The following CA5B variants were observed in gnomAD, a reference collection of about 807,000 sequenced individuals.
CA5B encodes carbonic anhydrase 5B.
In CA5B, 15 loss-of-function variants were observed where a neutral mutation model predicts 23.1. The ratio of observed to expected loss-of-function variants is 0.65; its 90% CI spans 0.43 to 1.00. The LOEUF is 1.00. Among genes scored for constraint, CA5B ranks in the 50% least tolerant of loss-of-function variants. The pLI is 0.00. For missense variants in CA5B, 236 were observed against 252.2 expected (o/e 0.94, Z 0.43); for synonymous variants, 84 against 98.5 (o/e 0.85, Z 0.87).
intron 2 of CA5B, among the ~76,000 whole-genome samples, chrX:15,759,161 A>G (rs1931550934): frequency 9.0e-6 from 1 of 111,544 alleles, no homozygotes; most frequent in African/African-American, 3.3e-5. Context: ...GAGGAGGAGC[A>G]CGAAGAAAGG....
Position 15,785,846 on chromosome X carries a change from C to G in CA5B, c.*3182C>G, listed in dbSNP as rs924251871. On this transcript the variant is annotated 3_prime_UTR_variant, in exon 8 of 8. Coordinates refer to ENST00000318636, the MANE Select transcript of CA5B (RefSeq NM_007220.4). ...TTTCCAAAGCATACAGGCTTTCCTC[C>G]TAGCTGTCTTGTTTTTTATTTTTTT... 9.6e-6 allele frequency: 1 copy of G among 103,738 alleles called. No homozygotes were observed. The highest frequency in any genetic ancestry group is 2.0e-5 in the Non-Finnish European group (1 of 50,376). The allele number at this position is 103,738 out of a possible 1,213,427, so 8.5% of individuals were successfully genotyped here. A position where few individuals can be genotyped will look rare whatever the true frequency, so the allele number is the denominator to read the frequency against.
At chrX:15,760,419 G>C (rs750874310) in intron 2 of CA5B, among the ~76,000 whole-genome samples, 2 of 111,365 alleles carry the variant, frequency 1.8e-5, no homozygotes, top group African/African-American at 6.5e-5. Context: ...GGAGGAGGGA[G>C]GTGGGTAGGA....
chrX:15,766,330 G>T (rs1289274376), intron 3 of CA5B, among the ~76,000 whole-genome samples: 1 of 110,598 alleles, frequency 9.0e-6, no homozygotes, highest in Non-Finnish European at 1.9e-5. Context: ...ATCTCTGTCT[G>T]GTTTTCTCCC....
Position 15,775,260 on chromosome X carries a change from T to G in CA5B, c.570T>G (p.His190Gln), listed in dbSNP as rs1421238855. ...TTGTTCTTTAGCTAGGCAAACATCA[T>G]AAGGAGCTACAGAAATTAGTGGATA... The part of the protein sequence containing the change: ...IGVFLKLGKH[H>Q]KELQKLVDTL... Residue 190 changes from histidine (H) to glutamine (Q), a missense_variant, in exon 6 of 8, where the codon CAT becomes CAG. This residue lies in a region of CA5B where 170 missense variants were observed against 162.0 expected (regional missense o/e 1.05). Transcript: ENST00000318636. The G allele has an allele frequency of 8.3e-7, 1 of 1,197,848 alleles. No homozygotes were observed. Among genetic ancestry groups the G allele is most frequent in the East Asian group, 3.0e-5 (1 of 33,647 alleles).
At chrX:15,761,250 C>T (rs2147261346) in intron 2 of CA5B, among the ~76,000 whole-genome samples, 1 of 111,571 alleles carries the variant, frequency 9.0e-6, no homozygotes, top group South Asian at 3.7e-4. Flanking sequence ...GGGTATATTG[C>T]ATGGTGATGA....
At chrX:15,752,552 C>T (rs1288187937) in intron 2 of CA5B, among the ~76,000 whole-genome samples, 3 of 110,440 alleles carry the variant, frequency 2.7e-5, no homozygotes, top group East Asian at 2.8e-4. Flanking sequence ...GGTGAAACCC[C>T]GTCTCTACTA....
rs755612115 is a variant in CA5B, at chrX:15,750,032, G to A, written c.9G>A (p.Val3=). 8.3e-7 allele frequency: 1 copy of A among 1,208,421 alleles called. No homozygotes were observed. Among genetic ancestry groups the A allele is most frequent in the South Asian group, 1.8e-5 (1 of 56,368 alleles). MV[V]MNSLRVILQA... ...AAGATTTCAAGCTAAAGATGGTGGTGATGAACAGCCTGAGGGTCATTCTTC... is the reference window on the plus strand; with the variant it reads ...AAGATTTCAAGCTAAAGATGGTGGTAATGAACAGCCTGAGGGTCATTCTTC... Residue 3 remains valine, a synonymous_variant, in exon 2 of 8, where the codon GTG becomes GTA. Transcript: ENST00000318636.
At chrX:15,777,791 A>G (rs1931958304) in intron 7 of CA5B, among the ~76,000 whole-genome samples, 1 of 112,198 alleles carries the variant, frequency 8.9e-6, no homozygotes, top group East Asian at 2.8e-4. Flanking sequence ...AATTTTTAAT[A>G]AAACAGAGCT....
chrX:15,757,624 C>A (rs775739447), intron 2 of CA5B, among the ~76,000 whole-genome samples: 2 of 109,009 alleles, frequency 1.8e-5, no homozygotes, highest in South Asian at 8.3e-4. Context: ...AGGAAAATTG[C>A]TTGAACGCAG....
chrX:15,775,704 C>T, intron 6 of CA5B: 1 of 757,827 alleles, frequency 1.3e-6, no homozygotes, highest in Non-Finnish European at 1.6e-6. Context: ...TAATCCACAT[C>T]CTTCAGGTCG....
At chrX:15,750,309 C>G in intron 2 of CA5B, 144 bp downstream of exon 2, 1 of 462,863 alleles carries the variant, frequency 2.2e-6, no homozygotes, top group Non-Finnish European at 3.6e-6. Flanking sequence ...AATAATCACA[C>G]ATGTTAAACA....
intron 2 of CA5B, among the ~76,000 whole-genome samples, chrX:15,754,603 T>C (rs1381528772): frequency 8.9e-6 from 1 of 112,437 alleles, no homozygotes; most frequent in Non-Finnish European, 1.9e-5. Flanking sequence ...ATACCTATTA[T>C]CCAATGTGGA....
intron 2 of CA5B, among the ~76,000 whole-genome samples, chrX:15,753,132 CT>C (rs775350125): frequency 8.9e-6 from 1 of 112,145 alleles, no homozygotes; most frequent in Non-Finnish European, 1.9e-5. Context: ...AGCACATGTT[CT>C]CAGGTCCTCC....
At chrX:15,772,837 C>G (rs144751618) in intron 4 of CA5B, among the ~76,000 whole-genome samples, 218 of 112,173 alleles carry the variant, frequency 1.9e-3, no homozygotes, top group Non-Finnish European at 2.9e-3. Context: ...CTGAATTCTT[C>G]TGGAATTCGA....
At chrX:15,753,360 T>A (rs1410393814) in intron 2 of CA5B, among the ~76,000 whole-genome samples, 1 of 112,538 alleles carries the variant, frequency 8.9e-6, no homozygotes, top group Admixed American at 9.4e-5. Flanking sequence ...AGAGTTGAAG[T>A]CAACTGAAAG....
intron 3 of CA5B, among the ~76,000 whole-genome samples, chrX:15,767,687 C>G (rs1384755027): frequency 9.1e-6 from 1 of 109,988 alleles, no homozygotes; most frequent in Non-Finnish European, 1.9e-5. Flanking sequence ...CTCCCGGGCT[C>G]AAGTGATTCT....
In CA5B at chrX:15,788,285, G is replaced by A. The variant is rs1228125672; in HGVS notation, c.*5621G>A. On this transcript the variant is annotated 3_prime_UTR_variant, in exon 8 of 8. Transcript: ENST00000318636. ...GGGGTCAGGAAGTTTTCACACTAATGATGATGGTGATGAGATGATGTAACA... is the reference window on the plus strand; with the variant it reads ...GGGGTCAGGAAGTTTTCACACTAATAATGATGGTGATGAGATGATGTAACA... 1 of 112,104 alleles carries A rather than the reference G, an allele frequency of 8.9e-6. No individual in the cohort carries two copies. Among genetic ancestry groups the A allele is most frequent in the African/African-American group, 3.2e-5 (1 of 30,846 alleles). The allele number at this position is 112,104 out of a possible 1,213,427, so 9.2% of individuals were successfully genotyped here.
At position 15,738,759 on chromosome X, in the gene CA5B, G is replaced by A. The variant is rs151210735; in HGVS notation, c.-54+407G>A. ...CTTCTGTGAAATAGCTAGAGACGGG[G>A]GTAAGGGCGACAAATCTGAGGTTGC... is the stretch of plus-strand genomic sequence containing the variant. On this transcript the variant is annotated intron_variant, in intron 1 of 7. Transcript: ENST00000318636. Among the ~76,000 whole-genome samples the A allele has an allele frequency of 5.3e-3, 591 of 111,071 alleles. 4 individuals carry two copies. The highest frequency in any genetic ancestry group is 0.018 in the African/African-American group (551 of 30,499).
At chrX:15,758,388 C>A (rs1931536120) in intron 2 of CA5B, among the ~76,000 whole-genome samples, 1 of 112,373 alleles carries the variant, frequency 8.9e-6, no homozygotes, top group Admixed American at 9.4e-5. Context: ...GGTATTAATC[C>A]CGTTCATGAG....
Sources: gnomAD v4.1 joint callset for allele counts (sites outside exome capture counted in the v4.1 genomes callset) on GRCh38, gnomAD v4.1.1 for gene constraint, gnomAD v4.1.1 regional missense constraint, MANE v1.5 for transcripts, NCBI Gene and HGNC (gene_info 2026-07-23, HGNC 2026-07-21) for gene names.